FBXW4: variants seen among roughly 807,000 people sequenced by gnomAD.
The protein encoded by FBXW4 is F-box and WD repeat domain containing 4.
A neutral mutation model predicts 61.8 loss-of-function variants in FBXW4; 40 were observed. The ratio of observed to expected loss-of-function variants is 0.65; its 90% CI spans 0.50 to 0.84. FBXW4 has a LOEUF of 0.84. Among genes scored for constraint, FBXW4 ranks in the 40% least tolerant of loss-of-function variants. The pLI, the probability that FBXW4 is intolerant of heterozygous loss-of-function variation, is 0.00. For missense variants in FBXW4, 672 were observed against 753.8 expected, an observed-to-expected ratio of 0.89 and a Z score of 1.27; for synonymous variants, 311 against 313.8, an observed-to-expected ratio of 0.99 and a Z score of 0.10.
At chr10:101,651,034 G>A (rs1026936386) in intron 5 of FBXW4, among the ~76,000 whole-genome samples, 2 of 152,088 alleles carry the variant, frequency 1.3e-5, no homozygotes, top group African/African-American at 4.8e-5. Context: ...GCCTCTGCCT[G>A]GAAAAAAAAT....
At chr10:101,642,069 G>A (rs1274211218) in intron 5 of FBXW4, among the ~76,000 whole-genome samples, 1 of 152,154 alleles carries the variant, frequency 6.6e-6, no homozygotes, top group Non-Finnish European at 1.5e-5. Context: ...GGGAGGCTGA[G>A]GCAGGAGAAA....
At position 101,694,982 on chromosome 10, in the gene FBXW4, T is replaced by G; in HGVS notation, c.124A>C (p.Lys42Gln). 8.7e-7 allele frequency: 1 copy of G among 1,152,560 alleles called. No homozygotes were observed. The highest frequency in any genetic ancestry group is 1.1e-6 in the Non-Finnish European group (1 of 936,168). 71.4% of individuals were successfully genotyped at this position (1,152,560 alleles called of 1,614,324 possible). A position where few individuals can be genotyped will look rare whatever the true frequency, so the allele number is the denominator to read the frequency against. ...CCTTGCCCCGCTCTCGCTTTTCCCT[T>G]CCCCTTCCCCTTCCTTCGCTTCCCC... ...ARGKRRKGKGKGKARAGQGGR... is the reference protein window; with the variant it reads ...ARGKRRKGKGQGKARAGQGGR... Residue 42 changes from lysine to glutamine, a missense_variant, in exon 1 of 9, where the codon AAG (lysine) becomes CAG (glutamine). By Grantham distance (53) the Lys-to-Gln change is moderately conservative (BLOSUM62 1). This residue lies in a region of FBXW4 where 38 missense variants were observed against 43.3 expected (regional missense o/e 0.88). Transcript: ENST00000331272. The surrounding 1 kb of genome is among the most constrained non-coding windows in gnomAD (Gnocchi z 6.0).
chr10:101,652,569 T>C (rs1028465159), intron 5 of FBXW4, among the ~76,000 whole-genome samples: 1 of 150,564 alleles, frequency 6.6e-6, no homozygotes, highest in Non-Finnish European at 1.5e-5. Context: ...GGTAGAACAA[T>C]AGAAAACACA....
At chr10:101,659,467 C>G (rs1035212970) in intron 5 of FBXW4, 14 of 982,008 alleles carry the variant, frequency 1.4e-5, no homozygotes, top group Non-Finnish European at 1.7e-5. Context: ...TCTTCACTGT[C>G]CAGAGAAGAA....
intron 4 of FBXW4, among the ~76,000 whole-genome samples, chr10:101,671,369 G>A (rs990135867): frequency 6.6e-6 from 1 of 152,202 alleles, no homozygotes; most frequent in Non-Finnish European, 1.5e-5. Flanking sequence ...GACAATTTTA[G>A]AAGGAAGCAC....
At chr10:101,671,947 C>T (rs908883343) in intron 4 of FBXW4, among the ~76,000 whole-genome samples, 2 of 152,096 alleles carry the variant, frequency 1.3e-5, no homozygotes, top group African/African-American at 4.8e-5. Flanking sequence ...CATATTTAGC[C>T]CTTCTTTTTA....
chr10:101,624,682 G>A (rs1301123120), intron 6 of FBXW4, 63 bp downstream of exon 6: 2 of 1,582,238 alleles, frequency 1.3e-6, no homozygotes, highest in Non-Finnish European at 1.7e-6. Flanking sequence ...GGCAGAGGCT[G>A]GCTCAGCAAG....
At chr10:101,676,260 C>A in intron 2 of FBXW4, 81 bp downstream of exon 2, 1 of 1,193,124 alleles carries the variant, frequency 8.4e-7, no homozygotes. Flanking sequence ...CCCCATTAGC[C>A]TCTATGTAGG....
At chr10:101,648,962 C>T (rs2134856232) in intron 5 of FBXW4, among the ~76,000 whole-genome samples, 1 of 152,290 alleles carries the variant, frequency 6.6e-6, no homozygotes, top group African/African-American at 2.4e-5. Context: ...TCCCTCTCCT[C>T]TACCATGCTC....
chr10:101,676,415 C>G lies in FBXW4; in HGVS notation c.747G>C (p.Lys249Asn). 1 of 1,613,470 alleles carries G rather than the reference C, an allele frequency of 6.2e-7. No homozygotes were observed. Among genetic ancestry groups the G allele is most frequent in the Non-Finnish European group, 8.5e-7 (1 of 1,179,784 alleles). ...AGTTCTGAGACACCTTCACTCGTTCCTTCACTGGGACACTGGTCATCCTAT... is the reference window on the plus strand; with the variant it reads ...AGTTCTGAGACACCTTCACTCGTTCGTTCACTGGGACACTGGTCATCCTAT... ...GTDLMTSVPV[K>N]ERVKVSQNWR... The change falls in exon 2 of 9, where the codon AAG becomes AAC. Residue 249 changes from lysine (K) to asparagine (N), a missense_variant. This residue lies in a region of FBXW4 where 311 missense variants were observed against 301.1 expected (regional missense o/e 1.03). Transcript: ENST00000331272.
intron 5 of FBXW4, among the ~76,000 whole-genome samples, chr10:101,661,467 GT>G (rs1589766743): frequency 1.3e-5 from 2 of 152,200 alleles, no homozygotes; most frequent in African/African-American, 4.8e-5. Flanking sequence ...GGAGGGCACT[GT>G]ACTGAGATTT....
At chr10:101,668,963 C>A (rs2064333241) in intron 4 of FBXW4, among the ~76,000 whole-genome samples, 1 of 152,146 alleles carries the variant, frequency 6.6e-6, no homozygotes, top group African/African-American at 2.4e-5. Context: ...GGGGAACACA[C>A]AAAACTCAGG....
chr10:101,657,276 C>T (rs1269262127), intron 5 of FBXW4, among the ~76,000 whole-genome samples: 4 of 152,116 alleles, frequency 2.6e-5, no homozygotes, highest in East Asian at 1.9e-4. Context: ...AGAGGGATTT[C>T]GTCTGAGGCA....
intron 5 of FBXW4, among the ~76,000 whole-genome samples, chr10:101,630,582 G>A (rs763940753): frequency 6.6e-6 from 1 of 152,214 alleles, no homozygotes; most frequent in Non-Finnish European, 1.5e-5. Flanking sequence ...CCCAAAGCAT[G>A]AATACAGTGC....
At chr10:101,627,789 T>C (rs2063918872) in intron 5 of FBXW4, among the ~76,000 whole-genome samples, 1 of 152,152 alleles carries the variant, frequency 6.6e-6, no homozygotes, top group Admixed American at 6.5e-5. Context: ...CAAGCTTCCA[T>C]GAATGGACTT....
chr10:101,694,383 G>T lies in FBXW4; in HGVS notation c.723C>A (p.Asp241Glu). The change falls in exon 1 of 9, where the codon GAC becomes GAA. Residue 241 changes from aspartate to glutamate, a missense_variant and splice_region_variant. Around this residue, in one of 5 missense-constraint regions of FBXW4, gnomAD observed 311 missense variants for 301.1 expected, o/e 1.03. Transcript: ENST00000331272. The surrounding 1 kb of genome is among the most constrained non-coding windows in gnomAD (Gnocchi z 6.0). Reference sequence around the variant, plus strand: ...CGGGCGGGCGAGCGGACGCTTACAGGTCGGTGCCGAGCCGCGTGAAGCCGG... The same window carrying T: ...CGGGCGGGCGAGCGGACGCTTACAGTTCGGTGCCGAGCCGCGTGAAGCCGG... ...LNSGFTRLGT[D>E]LMTSVPVKER... 1 of 1,433,276 alleles carries T rather than the reference G, an allele frequency of 7.0e-7. No individual in the cohort carries two copies. The highest frequency in any genetic ancestry group is 9.1e-7 in the Non-Finnish European group (1 of 1,104,596). 88.8% of individuals were successfully genotyped at this position (1,433,276 alleles called of 1,614,324 possible). A position where few individuals can be genotyped will look rare whatever the true frequency, so the allele number is the denominator to read the frequency against.
intron 1 of FBXW4, among the ~76,000 whole-genome samples, chr10:101,689,963 C>G (rs1227707388): frequency 6.6e-6 from 1 of 152,184 alleles, no homozygotes; most frequent in Non-Finnish European, 1.5e-5. Context: ...GCAAATCTAT[C>G]ATAGGCAAAT....
chr10:101,677,312 G>T (rs559902651), intron 1 of FBXW4, among the ~76,000 whole-genome samples: 1 of 152,196 alleles, frequency 6.6e-6, no homozygotes, highest in South Asian at 2.1e-4. Context: ...ACTAGGGTAG[G>T]TTCATATAAT....
At chr10:101,686,931 A>G (rs2064540091) in intron 1 of FBXW4, among the ~76,000 whole-genome samples, 1 of 152,158 alleles carries the variant, frequency 6.6e-6, no homozygotes, top group Non-Finnish European at 1.5e-5. Context: ...CTGAACCTTG[A>G]TTCAACTTTT....
Sources: allele counts gnomAD v4.1 joint callset (sites outside exome capture counted in the v4.1 genomes callset), GRCh38; gene constraint gnomAD v4.1.1; regional missense constraint gnomAD v4.1.1; non-coding constraint Gnocchi (gnomAD v3.1); transcripts MANE v1.5; gene names NCBI Gene and HGNC (gene_info 2026-07-23, HGNC 2026-07-21).